PSMF1: variants seen among roughly 807,000 people sequenced by gnomAD.
The protein encoded by PSMF1 is proteasome inhibitor subunit 1.
In PSMF1, 30 loss-of-function variants were observed where a neutral mutation model predicts 29.3. The observed-to-expected ratio is 1.02, with a 90% CI of 0.77 to 1.39. PSMF1 has a LOEUF of 1.39. Ranked by LOEUF, PSMF1 falls within the 40% of genes most tolerant of loss-of-function variation. The probability of loss-of-function intolerance (pLI) is 0.00; values close to 1 mark genes in which losing one functional copy is unlikely to be tolerated. For synonymous variants in PSMF1, 134 were observed against 139.7 expected, an observed-to-expected ratio of 0.96 and a Z score of 0.29; for missense variants, 344 against 357.5, an observed-to-expected ratio of 0.96 and a Z score of 0.31.
At chr20:1,120,899 G>A (rs1042163349) in intron 1 of PSMF1, among the ~76,000 whole-genome samples, 2 of 152,258 alleles carry the variant, frequency 1.3e-5, no homozygotes, top group African/African-American at 2.4e-5. Context: ...TCTAGAGGGC[G>A]TGTCTGATAC....
rs535749093 is a variant in PSMF1 at position 1,118,800 on chromosome 20, A to C, written c.27A>C (p.Ala9=). MAGLEVLF[A]SAAPAITCRQ... is the part of the protein sequence containing the mutation. ...TGGCGGGCCTGGAGGTACTGTTCGCATCGGCAGCGCCGGCCATCACCTGCA... is the reference window on the plus strand; with the variant it reads ...TGGCGGGCCTGGAGGTACTGTTCGCCTCGGCAGCGCCGGCCATCACCTGCA... Residue 9 remains alanine (A), a synonymous_variant, in exon 1 of 7, where the codon GCA becomes GCC. Transcript: ENST00000335877. 2 of 1,613,154 alleles carry C rather than the reference A, an allele frequency of 1.2e-6. No individual in the cohort carries two copies. The highest frequency in any genetic ancestry group is 4.5e-5 in the East Asian group (2 of 44,872).
At chr20:1,148,941 A>G (rs1033271325) in intron 4 of PSMF1, among the ~76,000 whole-genome samples, 2 of 152,212 alleles carry the variant, frequency 1.3e-5, no homozygotes, top group African/African-American at 4.8e-5. Context: ...ATACACATTT[A>G]TTCATTCATT....
chr20:1,164,214 G>C lies in PSMF1; in HGVS notation c.606-104G>C. ...TCCACATGTCTGCTTGGGCCATCCA[G>C]AGTAGACATCCCAGCCATTCTTGGT... On this transcript the variant is annotated intron_variant, in intron 5 of 6. Transcript: ENST00000335877. This position sits in a 1 kb window ranked among gnomAD's most constrained non-coding sequence, Gnocchi z 4.1. The C allele has an allele frequency of 8.2e-7, 1 of 1,222,454 alleles. No individual in the cohort carries two copies. The highest frequency in any genetic ancestry group is 1.2e-6 in the Non-Finnish European group (1 of 837,068). The allele number at this position is 1,222,454 out of a possible 1,614,324, so 75.7% of individuals were successfully genotyped here.
rs2086747494 is a variant in PSMF1, at chr20:1,167,664, T to C, written c.*2584T>C. ...TTTCATGTGATGTTTTCAAGATTCA[T>C]TCATGCTGTAGCATGTATCCATGGT... On this transcript the variant is annotated 3_prime_UTR_variant, in exon 7 of 7. Coordinates refer to ENST00000335877, the MANE Select transcript of PSMF1 (RefSeq NM_006814.5). 6.6e-6 allele frequency: 1 copy of C among 152,202 alleles called. No individual in the cohort carries two copies. The highest frequency in any genetic ancestry group is 1.5e-5 in the Non-Finnish European group (1 of 68,046). 9.4% of individuals were successfully genotyped at this position (152,202 alleles called of 1,614,324 possible). A position where few individuals can be genotyped will look rare whatever the true frequency, so the allele number is the denominator to read the frequency against.
In PSMF1 at chr20:1,164,230, C is replaced by G; in HGVS notation, c.606-88C>G. ...GGCCATCCAGAGTAGACATCCCAGC[C>G]ATTCTTGGTGCATTGTAACCTCCCT... On this transcript the variant is annotated intron_variant, in intron 5 of 6. Coordinates refer to ENST00000335877, the MANE Select transcript of PSMF1 (RefSeq NM_006814.5). The surrounding 1 kb of genome is among the most constrained non-coding windows in gnomAD (Gnocchi z 4.1). 9 of 1,343,192 alleles carry G rather than the reference C, an allele frequency of 6.7e-6. No homozygotes were observed. Among genetic ancestry groups the G allele is most frequent in the Non-Finnish European group, 9.6e-6 (9 of 941,210 alleles). The allele number at this position is 1,343,192 out of a possible 1,614,324, so 83.2% of individuals were successfully genotyped here.
At chr20:1,152,590 A>G (rs2086545474) in intron 4 of PSMF1, among the ~76,000 whole-genome samples, 1 of 152,206 alleles carries the variant, frequency 6.6e-6, no homozygotes, top group Admixed American at 6.5e-5. Flanking sequence ...GGGACTTCAT[A>G]TTGTTTACAT....
chr20:1,147,727 C>T (rs1262485594), intron 4 of PSMF1, among the ~76,000 whole-genome samples: 4 of 152,192 alleles, frequency 2.6e-5, no homozygotes, highest in African/African-American at 9.7e-5. Context: ...TTGGCCAGCC[C>T]CATTTGTCCA....
Position 1,164,492 on chromosome 20 carries a change from G to A in PSMF1, c.764+16G>A, listed in dbSNP as rs1310826881. 1 of 1,613,366 alleles carries A rather than the reference G, an allele frequency of 6.2e-7. No homozygotes were observed. Among genetic ancestry groups the A allele is most frequent in the African/African-American group, 1.3e-5 (1 of 74,928 alleles). On this transcript the variant is annotated intron_variant, in intron 6 of 6. Transcript: ENST00000335877. The surrounding 1 kb of genome is among the most constrained non-coding windows in gnomAD (Gnocchi z 4.1). ...GCCCACCCGGGTACGTAGTCACTCA[G>A]GTATGCTGAGAAGTAGGACCTGATG...
At chr20:1,122,551 C>T (rs1450177793) in intron 1 of PSMF1, among the ~76,000 whole-genome samples, 1 of 152,196 alleles carries the variant, frequency 6.6e-6, no homozygotes, top group African/African-American at 2.4e-5. Context: ...CTGCCTGCCT[C>T]TGCCTCCCAA....
intron 4 of PSMF1, among the ~76,000 whole-genome samples, chr20:1,158,462 A>G (rs530977594): frequency 2.2e-4 from 33 of 152,194 alleles, no homozygotes; most frequent in Admixed American, 7.2e-4. Context: ...TCCCAACCCA[A>G]TGTCCAGAGC....
chr20:1,146,864 A>G (rs546288436), intron 4 of PSMF1, among the ~76,000 whole-genome samples: 225 of 152,364 alleles, frequency 1.5e-3, no homozygotes, highest in South Asian at 2.5e-3. Context: ...GTTGACATTC[A>G]GTAAATATTC....
chr20:1,164,340 G>A lies in PSMF1; in HGVS notation c.628G>A (p.Val210Met), dbSNP rs1005994507. 1.2e-6 allele frequency: 2 copies of A among 1,613,968 alleles called. No homozygotes were observed. Among genetic ancestry groups the A allele is most frequent in the South Asian group, 1.1e-5 (1 of 91,076 alleles). The change falls in exon 6 of 7, where the codon GTG becomes ATG. Residue 210 changes from valine to methionine, a missense_variant. Coordinates refer to ENST00000335877, the MANE Select transcript of PSMF1 (RefSeq NM_006814.5). This position sits in a 1 kb window ranked among gnomAD's most constrained non-coding sequence, Gnocchi z 4.1. ...CAGGCCTCGGAGAGGTGGCATGATT[G>A]TGGATCCCCTGAGATCTGGCTTCCC... ...PFGPRRGGMI[V>M]DPLRSGFPRA...
chr20:1,127,371 C>T (rs1399717567), intron 2 of PSMF1, 55 bp from the exon 3 acceptor site: 1 of 1,360,858 alleles, frequency 7.3e-7, no homozygotes, highest in Admixed American at 1.7e-5. Flanking sequence ...CCTTCACCCT[C>T]CCACTCTTAG....
At chr20:1,118,516 C>G (rs1308271974), upstream of PSMF1, 2 of 357,042 alleles carry the variant, frequency 5.6e-6, no homozygotes, top group Non-Finnish European at 1.0e-5. Context: ...CCCGCTCGCA[C>G]TCCCTGGCGG....
rs60728448 is a variant in PSMF1 at position 1,133,555 on chromosome 20, G to GTGTGTATATATATATATA, written c.366-1565_366-1564insGTGTATATATATATATAT. Among the ~76,000 whole-genome samples, 65 of 53,960 alleles carry GTGTGTATATATATATATA rather than the reference G, an allele frequency of 1.2e-3. 2 individuals carry two copies. Among genetic ancestry groups the GTGTGTATATATATATATA allele is most frequent in the African/African-American group, 3.8e-3 (60 of 15,704 alleles). 35.4% of individuals were successfully genotyped at this position (53,960 alleles called of 152,430 possible). On this transcript the variant is annotated intron_variant, in intron 3 of 6. Transcript: ENST00000335877. ...ATAGGATATACTAGTCTATATATGT[G>GTGTGTATATATATATATA]TATATATATATATATTTTTTTTTTT... is the stretch of plus-strand genomic sequence containing the variant.
Position 1,166,358 on chromosome 20 carries a change from A to T in PSMF1, c.*1278A>T, listed in dbSNP as rs2086730697. On this transcript the variant is annotated 3_prime_UTR_variant, in exon 7 of 7. Coordinates refer to ENST00000335877, the MANE Select transcript of PSMF1 (RefSeq NM_006814.5). ...GCTCTGCAGCTAGCATTTCAACCAT[A>T]TGTGGATCCTTTCATTTCTCAGCTC... The T allele has an allele frequency of 8.3e-7, 1 of 1,209,222 alleles. No individual in the cohort carries two copies. The highest frequency in any genetic ancestry group is 1.2e-6 in the Non-Finnish European group (1 of 833,002). 74.9% of individuals were successfully genotyped at this position (1,209,222 alleles called of 1,614,324 possible).
At chr20:1,121,352 G>A (rs1036977288) in intron 1 of PSMF1, among the ~76,000 whole-genome samples, 62 of 152,142 alleles carry the variant, frequency 4.1e-4, no homozygotes, top group African/African-American at 1.4e-3. Context: ...GAAGGAATGA[G>A]TGTTTGGATT....
intron 1 of PSMF1, among the ~76,000 whole-genome samples, chr20:1,122,404 A>G (rs1011337812): frequency 1.3e-5 from 2 of 149,282 alleles, no homozygotes; most frequent in African/African-American, 2.5e-5. Flanking sequence ...GGTTCAGGCA[A>G]TTCTGCCCCA....
At chr20:1,140,043 G>A (rs1340978305) in intron 4 of PSMF1, among the ~76,000 whole-genome samples, 1 of 152,178 alleles carries the variant, frequency 6.6e-6, no homozygotes, top group Non-Finnish European at 1.5e-5. Context: ...CCTATTCAGT[G>A]CGATCCCAGT....
Sources: gnomAD v4.1 joint callset for allele counts (sites outside exome capture counted in the v4.1 genomes callset) on GRCh38, gnomAD v4.1.1 for gene constraint, Gnocchi (gnomAD v3.1) non-coding constraint, MANE v1.5 for transcripts, NCBI Gene and HGNC (gene_info 2026-07-23, HGNC 2026-07-21) for gene names.